PARD3B: variants seen among roughly 807,000 people sequenced by gnomAD.
PARD3B encodes the protein partitioning defective 3 homolog B.
In PARD3B, 103 loss-of-function variants were observed where a neutral mutation model predicts 130.2. The observed-to-expected ratio is 0.79, with a 90% CI of 0.67 to 0.93. The LOEUF is 0.93. Among genes scored for constraint, PARD3B ranks in the 40% least tolerant of loss-of-function variants. The probability of loss-of-function intolerance (pLI) is 0.00; values close to 1 mark genes in which losing one functional copy is unlikely to be tolerated. For synonymous variants in PARD3B, 583 were observed against 553.2 expected (o/e 1.05, Z -0.76); for missense variants, 1,609 against 1,499.2 (o/e 1.07, Z -1.21).
chr2:205,283,384 A>C (rs1406159037), intron 16 of PARD3B, among the ~76,000 whole-genome samples: 1 of 152,174 alleles, frequency 6.6e-6, no homozygotes, highest in Non-Finnish European at 1.5e-5. Context: ...TCCTGGGCTC[A>C]AGGGTTCCTC....
intron 4 of PARD3B, among the ~76,000 whole-genome samples, chr2:205,083,807 C>G (rs559564555): frequency 6.6e-6 from 1 of 152,104 alleles, no homozygotes; most frequent in Non-Finnish European, 1.5e-5. Flanking sequence ...ATATTTTAAA[C>G]ATACACAAAA....
At chr2:204,740,312 A>G (rs532502300) in intron 2 of PARD3B, among the ~76,000 whole-genome samples, 1 of 152,052 alleles carries the variant, frequency 6.6e-6, no homozygotes, top group African/African-American at 2.4e-5. Flanking sequence ...GTGAGCCACT[A>G]TGCCCGGCCA....
chr2:205,367,099 G>T (rs902371840), intron 18 of PARD3B, among the ~76,000 whole-genome samples: 4 of 152,168 alleles, frequency 2.6e-5, no homozygotes, highest in Non-Finnish European at 5.9e-5. Context: ...ATAGTGCCTT[G>T]CATCTTCAAG....
At chr2:205,349,098 G>T (rs115924837) in intron 18 of PARD3B, among the ~76,000 whole-genome samples, 228 of 152,216 alleles carry the variant, frequency 1.5e-3, no homozygotes, top group African/African-American at 5.2e-3. Flanking sequence ...TGAACAACTG[G>T]CCTCTCCTGC....
At position 205,407,565 on chromosome 2, in the gene PARD3B, G is replaced by A. The variant is rs2046452785; in HGVS notation, c.2741+6442G>A. 6.6e-6 allele frequency among the ~76,000 whole-genome samples: 1 copy of A among 152,104 alleles called. No homozygotes were observed. Among genetic ancestry groups the A allele is most frequent in the Non-Finnish European group, 1.5e-5 (1 of 68,016 alleles). On this transcript the variant is annotated intron_variant, in intron 19 of 22. Coordinates refer to ENST00000406610, the MANE Select transcript of PARD3B (RefSeq NM_001302769.2). The surrounding 1 kb of genome is among the most constrained non-coding windows in gnomAD (Gnocchi z 4.1). ...ACCTAAGTTTGTAACCTTTTACAAAGTATGAAATTAATCAGAATCTTGGAC... is the reference window on the plus strand; with the variant it reads ...ACCTAAGTTTGTAACCTTTTACAAAATATGAAATTAATCAGAATCTTGGAC...
intron 1 of PARD3B, among the ~76,000 whole-genome samples, chr2:204,595,203 T>C (rs1043871536): frequency 1.3e-5 from 2 of 152,228 alleles, no homozygotes; most frequent in Non-Finnish European, 2.9e-5. Flanking sequence ...CCTTCTTCTA[T>C]GGTCTCCAAA....
chr2:205,454,533 A>G (rs528031273), intron 20 of PARD3B, among the ~76,000 whole-genome samples: 44 of 152,266 alleles, frequency 2.9e-4, no homozygotes, highest in African/African-American at 1.0e-3. Flanking sequence ...GGAATTCAGG[A>G]GCCATTGTTT....
intron 3 of PARD3B, among the ~76,000 whole-genome samples, chr2:205,032,423 T>C (rs1697491850): frequency 6.6e-6 from 1 of 152,102 alleles, no homozygotes; most frequent in African/African-American, 2.4e-5. Context: ...ACCGGATGCA[T>C]AATGTAAAAG....
intron 21 of PARD3B, among the ~76,000 whole-genome samples, chr2:205,552,310 C>CG (rs200495789): frequency 3.1e-4 from 36 of 117,310 alleles, no homozygotes; most frequent in Non-Finnish European, 6.0e-4. Flanking sequence ...TCAGGGTGGT[C>CG]GGGGGGCATC....
rs71032430 is a variant in PARD3B, at chr2:205,021,648, CTCTA to C, written c.395-25931_395-25928del. On this transcript the variant is annotated intron_variant, in intron 3 of 22. Coordinates refer to ENST00000406610, the MANE Select transcript of PARD3B (RefSeq NM_001302769.2). This position sits in a 1 kb window ranked among gnomAD's most constrained non-coding sequence, Gnocchi z 4.5. ...TCTCTCTTTCTCTCTCTCTCTCTCT[CTCTA>C]TATATATATATATAGTTAATCTTTT... 0.27 allele frequency among the ~76,000 whole-genome samples: 34,635 copies of C among 128,430 alleles called. 4,355 individuals carry two copies. The highest frequency in any genetic ancestry group is 0.41 in the Admixed American group (5,410 of 13,278). 84.3% of individuals were successfully genotyped at this position (128,430 alleles called of 152,430 possible).
At chr2:204,935,325 C>G (rs575781180) in intron 2 of PARD3B, among the ~76,000 whole-genome samples, 3,552 of 146,456 alleles carry the variant, frequency 0.024, 146 homozygotes, top group African/African-American at 0.083. Context: ...GTCAGGAGAT[C>G]AAGACCATCC....
At chr2:204,924,525 A>G (rs1341292747) in intron 2 of PARD3B, among the ~76,000 whole-genome samples, 1 of 152,110 alleles carries the variant, frequency 6.6e-6, no homozygotes, top group Non-Finnish European at 1.5e-5. Context: ...AGTTACTACT[A>G]AAATTGTTAA....
intron 3 of PARD3B, among the ~76,000 whole-genome samples, chr2:204,978,088 G>T (rs982259852): frequency 4.6e-5 from 7 of 152,122 alleles, no homozygotes; most frequent in Non-Finnish European, 1.0e-4. Context: ...TCAAAAGGCA[G>T]CCAGAGGGAA....
intron 2 of PARD3B, among the ~76,000 whole-genome samples, chr2:204,908,438 G>A (rs773581796): frequency 1.3e-5 from 2 of 152,144 alleles, no homozygotes; most frequent in Non-Finnish European, 2.9e-5. Context: ...CAGGCTTAGT[G>A]AAATGTTAGC....
Position 205,525,648 on chromosome 2 carries a change from A to G in PARD3B, c.3180+25617A>G, listed in dbSNP as rs1444013027. 6.6e-6 allele frequency among the ~76,000 whole-genome samples: 1 copy of G among 152,188 alleles called. No individual in the cohort carries two copies. The highest frequency in any genetic ancestry group is 1.5e-5 in the Non-Finnish European group (1 of 68,036). ...AACAGAATCATATTTATAATACAGTAGGAAATTCTCTCTGCAGGTTCAGAA... is the reference window on the plus strand; with the variant it reads ...AACAGAATCATATTTATAATACAGTGGGAAATTCTCTCTGCAGGTTCAGAA... On this transcript the variant is annotated intron_variant, in intron 21 of 22. Transcript: ENST00000406610. The surrounding 1 kb of genome is among the most constrained non-coding windows in gnomAD (Gnocchi z 4.2).
Position 205,399,139 on chromosome 2 carries a change from G to A in PARD3B, c.2631-1874G>A, listed in dbSNP as rs544178984. 5.9e-5 allele frequency among the ~76,000 whole-genome samples: 9 copies of A among 151,792 alleles called. No homozygotes were observed. In the South Asian group the frequency reaches 1.7e-3, roughly 28 times the overall value. ...CAAAAAATTAGCTGGGCATGGTGGT[G>A]CATGCCTGTAATCCCAGCTACTTGG... On this transcript the variant is annotated intron_variant, in intron 18 of 22. Transcript: ENST00000406610.
intron 18 of PARD3B, among the ~76,000 whole-genome samples, chr2:205,360,362 C>T (rs1040672813): frequency 7.9e-5 from 12 of 151,924 alleles, no homozygotes; most frequent in African/African-American, 2.9e-4. Flanking sequence ...TAATCAAGTA[C>T]ATCATATTAT....
At chr2:204,947,495 G>A (rs779757059) in intron 2 of PARD3B, among the ~76,000 whole-genome samples, 42 of 152,150 alleles carry the variant, frequency 2.8e-4, no homozygotes, top group Non-Finnish European at 2.6e-4. Context: ...GGGAACTACA[G>A]TACATAGGAC....
At chr2:205,502,598 G>A (rs936556668) in intron 21 of PARD3B, among the ~76,000 whole-genome samples, 42 of 152,168 alleles carry the variant, frequency 2.8e-4, no homozygotes, top group African/African-American at 9.4e-4. Context: ...TGAAAGGCCC[G>A]ATGAGTGTTT....
Sources: allele counts gnomAD v4.1 joint callset (sites outside exome capture counted in the v4.1 genomes callset), GRCh38; gene constraint gnomAD v4.1.1; non-coding constraint Gnocchi (gnomAD v3.1); transcripts MANE v1.5; gene names NCBI Gene and HGNC (gene_info 2026-07-23, HGNC 2026-07-21).